GART: variants seen among roughly 807,000 people sequenced by gnomAD.
The protein encoded by GART is phosphoribosylglycinamide formyltransferase, phosphoribosylglycinamide synthetase, phosphoribosylaminoimidazole synthetase.
A neutral mutation model predicts 107.2 loss-of-function variants in GART; 43 were observed. The ratio of observed to expected loss-of-function variants is 0.40; its 90% CI spans 0.31 to 0.52. GART has a LOEUF of 0.52. GART is among the 20% of genes least tolerant of loss of function. GART has a pLI of 0.52. For synonymous variants in GART, 434 were observed against 427.0 expected, an observed-to-expected ratio of 1.02 and a Z score of -0.20; for missense variants, 1,107 against 1,206.5, an observed-to-expected ratio of 0.92 and a Z score of 1.22.
chr21:33,529,236 C>G (rs1434629046), intron 7 of GART, among the ~76,000 whole-genome samples: 2 of 152,156 alleles, frequency 1.3e-5, no homozygotes, highest in Non-Finnish European at 2.9e-5. Context: ...CTTCTTTGTA[C>G]TCTTCCCAGT....
chr21:33,517,196 A>C (rs2084894252), intron 15 of GART, 55 bp from the exon 16 acceptor site: 1 of 1,568,324 alleles, frequency 6.4e-7, no homozygotes, highest in South Asian at 1.2e-5. Context: ...AAACCAAAAC[A>C]TAAAAATCAA....
chr21:33,536,046 T>A (rs1050103083), intron 2 of GART, among the ~76,000 whole-genome samples: 2 of 151,190 alleles, frequency 1.3e-5, no homozygotes, highest in Admixed American at 6.6e-5. Flanking sequence ...AAAAAAAAAA[T>A]TTATCAACAC....
Position 33,520,924 on chromosome 21 carries a change from G to A in GART, c.1485C>T (p.Gly495=), listed in dbSNP as rs145788049. ...KDPLLASGTD[G]VGTKLKIAQL... ...TGATTACCTTTAGTTTAGTTCCAAC[G>A]CCATCTGTTCCAGAGGCCAGAAGGG... The change falls in exon 13 of 22, where the codon GGC becomes GGT. Residue 495 remains glycine (G), a synonymous_variant. Coordinates refer to ENST00000381815, the MANE Select transcript of GART (RefSeq NM_000819.5). 13 of 1,612,214 alleles carry A rather than the reference G, an allele frequency of 8.1e-6. No homozygotes were observed. Among genetic ancestry groups the A allele is most frequent in the East Asian group, 2.2e-5 (1 of 44,842 alleles).
At chr21:33,528,802 A>T in intron 8 of GART, 48 bp downstream of exon 8, 1 of 1,339,530 alleles carries the variant, frequency 7.5e-7, no homozygotes, top group Non-Finnish European at 1.0e-6. Context: ...TATCAAAAGT[A>T]GAAAGTTACT....
chr21:33,526,410 G>A (rs1783449342), intron 10 of GART, among the ~76,000 whole-genome samples: 1 of 152,130 alleles, frequency 6.6e-6, no homozygotes, highest in South Asian at 2.1e-4. Context: ...CTGACCTCAA[G>A]TGATCTGCCC....
At chr21:33,532,540 G>T in intron 4 of GART, 84 bp from the exon 5 acceptor site, 1 of 970,992 alleles carries the variant, frequency 1.0e-6, no homozygotes, top group Non-Finnish European at 1.6e-6. Context: ...GTAACGATAT[G>T]CTATAGCAAT....
chr21:33,510,752 A>G lies in GART; in HGVS notation c.2314+500T>C, dbSNP rs1023478233. ...AAAGGCAGATACAGGTAAAGTCAAC[A>G]AGGTCTGACATTTTTTTTTTCTATT... is the stretch of plus-strand genomic sequence containing the variant. On this transcript the variant is annotated intron_variant, in intron 17 of 21. Coordinates refer to ENST00000381815, the MANE Select transcript of GART (RefSeq NM_000819.5). 2.0e-5 allele frequency among the ~76,000 whole-genome samples: 3 copies of G among 152,298 alleles called. No individual in the cohort carries two copies. In the East Asian group the frequency reaches 5.8e-4, roughly 29 times the overall value.
chr21:33,526,984 T>A (rs2085085734), intron 10 of GART, among the ~76,000 whole-genome samples: 1 of 152,242 alleles, frequency 6.6e-6, no homozygotes, highest in Admixed American at 6.5e-5. Flanking sequence ...TCTGAATGGC[T>A]ACTCTGCCTG....
intron 10 of GART, 99 bp from the exon 11 acceptor site, chr21:33,525,099 T>TA: frequency 7.1e-7 from 1 of 1,415,420 alleles, no homozygotes. Context: ...TTTTTTTTTT[T>TA]AACTTGGCTA....
In GART at chr21:33,522,065, A is replaced by G. The variant is rs1004565002; in HGVS notation, c.1393+123T>C. On this transcript the variant is annotated intron_variant, in intron 12 of 21. Coordinates refer to ENST00000381815, the MANE Select transcript of GART (RefSeq NM_000819.5). ...AAAGCAGAAGACTGGGTTTGGCTTA[A>G]GCAGGGCAAAACTTACAGTAACCAA... The G allele has an allele frequency of 1.0e-5, 7 of 674,888 alleles. No homozygotes were observed. The African/African-American group carries it at 1.3e-4, about 12-fold the overall frequency. 41.8% of individuals were successfully genotyped at this position (674,888 alleles called of 1,614,324 possible).
chr21:33,511,388 C>G lies in GART; in HGVS notation c.2178G>C (p.Glu726Asp), dbSNP rs1171243845. The G allele has an allele frequency of 2.5e-6, 4 of 1,614,184 alleles. No individual in the cohort carries two copies. Among genetic ancestry groups the G allele is most frequent in the Non-Finnish European group, 2.5e-6 (3 of 1,180,028 alleles). Residue 726 changes from glutamate to aspartate, a missense_variant, in exon 17 of 22, where the codon GAG becomes GAC. Physicochemically the swap from Glu to Asp is conservative, Grantham distance 45. Transcript: ENST00000381815. ...LQQEGHLSEE[E>D]MARTFNCGVG... ...CCCCACAGTTAAATGTTCTGGCCAT[C>G]TCTTCCTCAGAGAGGTGTCCTTCCT...
chr21:33,509,720 G>C (rs1249607627), intron 18 of GART, 63 bp downstream of exon 18: 1 of 1,544,236 alleles, frequency 6.5e-7, no homozygotes, highest in Non-Finnish European at 8.9e-7. Context: ...AATCTCACAA[G>C]AGTGCGGGGA....
intron 20 of GART, among the ~76,000 whole-genome samples, chr21:33,505,231 G>A (rs190558292): frequency 1.3e-5 from 2 of 152,214 alleles, no homozygotes; most frequent in Admixed American, 1.3e-4. Flanking sequence ...AATAAAGGAA[G>A]GTCTTCTGAA....
chr21:33,506,147 CTTTT>C (rs375511825), intron 18 of GART, 43 bp from the exon 19 acceptor site: 7 of 1,252,456 alleles, frequency 5.6e-6, no homozygotes, highest in East Asian at 5.5e-5. Context: ...ACTACTACTT[CTTTT>C]TTTTTTTTTG....
intron 14 of GART, chr21:33,518,463 G>T (rs763835886): frequency 5.2e-6 from 1 of 193,854 alleles, no homozygotes; most frequent in Non-Finnish European, 1.1e-5. Flanking sequence ...GGGTCACAGA[G>T]CAAGACTCCA....
At chr21:33,540,401 C>CT (rs2085390351) in intron 1 of GART, among the ~76,000 whole-genome samples, 1 of 152,178 alleles carries the variant, frequency 6.6e-6, no homozygotes. Flanking sequence ...ATTTCCTGTT[C>CT]TTTTTCTCAA....
intron 17 of GART, among the ~76,000 whole-genome samples, chr21:33,510,577 G>A (rs1269333092): frequency 6.6e-6 from 1 of 152,068 alleles, no homozygotes; most frequent in South Asian, 2.1e-4. Context: ...TGATCCACCC[G>A]CTTCGGCCTC....
At position 33,534,719 on chromosome 21, in the gene GART, T is replaced by C. The variant is rs1228163080; in HGVS notation, c.276A>G (p.Gln92=). Residue 92 remains glutamine, a synonymous_variant, in exon 4 of 22, where the codon CAA becomes CAG. Coordinates refer to ENST00000381815, the MANE Select transcript of GART (RefSeq NM_000819.5). ...IVGNLRSAGV[Q]CFGPTAEAAQ... ...CCGCTTCTGCTGTTGGGCCAAAGCA[T>C]TGCACTCCTGCAGACCTCAGGTTCC... The C allele has an allele frequency of 8.7e-6, 14 of 1,607,820 alleles. No homozygotes were observed. The highest frequency in any genetic ancestry group is 1.7e-5 in the Admixed American group (1 of 58,728).
intron 10 of GART, 134 bp from the exon 11 acceptor site, chr21:33,525,134 T>G (rs2085048198): frequency 7.8e-6 from 11 of 1,405,906 alleles, no homozygotes; most frequent in Non-Finnish European, 1.0e-5. Context: ...TGCTTATAAT[T>G]CCAGCACTTT....
Sources: gnomAD v4.1 joint callset for allele counts (sites outside exome capture counted in the v4.1 genomes callset) on GRCh38, gnomAD v4.1.1 for gene constraint, MANE v1.5 for transcripts, NCBI Gene and HGNC (gene_info 2026-07-23, HGNC 2026-07-21) for gene names.